The following CWC22 variants were observed in gnomAD, a reference collection of about 807,000 sequenced individuals.
CWC22 encodes CWC22 spliceosome associated protein, also known as pre-mRNA-splicing factor CWC22 homolog.
Under a neutral mutation model 117.2 loss-of-function variants are expected in CWC22, and 53 were observed. The ratio of observed to expected loss-of-function variants is 0.45; its 90% CI spans 0.36 to 0.57. CWC22 has a LOEUF of 0.57. Ranked by LOEUF, CWC22 falls within the 20% of genes least tolerant of loss-of-function variation. The probability of loss-of-function intolerance (pLI) is 0.00; values close to 1 mark genes in which losing one functional copy is unlikely to be tolerated. For synonymous variants in CWC22, 360 were observed against 355.6 expected, an observed-to-expected ratio of 1.01 and a Z score of -0.14; for missense variants, 980 against 1,068.8, an observed-to-expected ratio of 0.92 and a Z score of 1.16.
Position 179,964,702 on chromosome 2 carries a change from A to G in CWC22, c.1316-74T>C, listed in dbSNP as rs566397959. ...AAGTTAAAATGTAACTCTGTATAGC[A>G]TTTTCTTCAAAAATCTATTTAGAAT... On this transcript the variant is annotated intron_variant, in intron 12 of 19. Transcript: ENST00000410053. The G allele has an allele frequency of 3.3e-5, 22 of 675,592 alleles. No homozygotes were observed. In the African/African-American group the frequency reaches 4.0e-4, roughly 12 times the overall value. The allele number at this position is 675,592 out of a possible 1,614,324, so 41.8% of individuals were successfully genotyped here.
At chr2:179,970,406 G>C in intron 11 of CWC22, 95 bp downstream of exon 11, 3 of 1,201,856 alleles carry the variant, frequency 2.5e-6, no homozygotes, top group Non-Finnish European at 3.4e-6. Context: ...CGATTCATTA[G>C]GTGGGGATCT....
rs371568048 is a variant in CWC22 at position 179,950,616 on chromosome 2, T to A, written c.2036A>T (p.Glu679Val). Residue 679 changes from glutamate (E) to valine (V), a missense_variant, in exon 19 of 20, where the codon GAG becomes GTG. This residue lies in a region of CWC22 where 306 missense variants were observed against 296.8 expected (regional missense o/e 1.03). Coordinates refer to ENST00000410053, the MANE Select transcript of CWC22 (RefSeq NM_020943.3). The part of the protein sequence containing the change: ...SSSSSASSSS[E>V]SDSSDSDSDS... ...AGAATCAGAGTCGGATGAGTCAGAC[T>A]CTGAAGAGGAGGACGCTGAAGAGGA... 24 of 1,613,350 alleles carry A rather than the reference T, an allele frequency of 1.5e-5. No individual in the cohort carries two copies. In the Admixed American group the frequency reaches 2.7e-4, roughly 18 times the overall value.
Position 180,001,919 on chromosome 2 carries a change from C to T in CWC22, c.-114+4948G>A, listed in dbSNP as rs972410553. On this transcript the variant is annotated intron_variant, in intron 1 of 19. Transcript: ENST00000410053. ...TGAATTTATGTTTTGTTCATTGCTACATTCCCAACACTAGAGGCTCTCAAT... is the reference window on the plus strand; with the variant it reads ...TGAATTTATGTTTTGTTCATTGCTATATTCCCAACACTAGAGGCTCTCAAT... Among the ~76,000 whole-genome samples the T allele has an allele frequency of 2.0e-5, 3 of 152,232 alleles. No homozygotes were observed. The East Asian group carries it at 5.8e-4, about 29-fold the overall frequency.
intron 1 of CWC22, among the ~76,000 whole-genome samples, chr2:179,999,341 T>C (rs1280411206): frequency 6.6e-6 from 1 of 152,100 alleles, no homozygotes. Context: ...TCTTTCCCCT[T>C]CTCACAAGAA....
chr2:179,974,746 C>T (rs768395401), intron 6 of CWC22, among the ~76,000 whole-genome samples: 4 of 152,048 alleles, frequency 2.6e-5, no homozygotes, highest in Non-Finnish European at 2.9e-5. Flanking sequence ...TTTATACCCC[C>T]ACCTTTTTTG....
At chr2:179,982,758 T>G (rs546684872) in intron 4 of CWC22, among the ~76,000 whole-genome samples, 85 of 152,268 alleles carry the variant, frequency 5.6e-4, no homozygotes, top group Non-Finnish European at 9.7e-4. Context: ...AAGGTACAGT[T>G]CTCTGAAACC....
At chr2:179,980,732 G>A (rs1687265322) in intron 5 of CWC22, among the ~76,000 whole-genome samples, 1 of 152,222 alleles carries the variant, frequency 6.6e-6, no homozygotes, top group East Asian at 1.9e-4. Context: ...AGCTTCTCAA[G>A]CACTTTTCAA....
intron 16 of CWC22, among the ~76,000 whole-genome samples, chr2:179,953,582 T>TA (rs948811765): frequency 1.6e-4 from 24 of 152,102 alleles, no homozygotes; most frequent in African/African-American, 5.6e-4. Context: ...ACTCAGTATA[T>TA]AAGTGGTGGC....
intron 19 of CWC22, among the ~76,000 whole-genome samples, chr2:179,947,635 G>A (rs1453865338): frequency 6.6e-6 from 1 of 152,098 alleles, no homozygotes; most frequent in Admixed American, 6.5e-5. Context: ...AAATTCTGTA[G>A]AATATAAAAA....
intron 15 of CWC22, 104 bp from the exon 16 acceptor site, chr2:179,954,461 T>C: frequency 1.4e-6 from 1 of 700,424 alleles, no homozygotes; most frequent in South Asian, 2.4e-5. Context: ...ATATGCTTTA[T>C]ATTTTCAAAG....
intron 16 of CWC22, among the ~76,000 whole-genome samples, chr2:179,953,077 A>AT (rs765937225): frequency 6.6e-6 from 1 of 152,118 alleles, no homozygotes; most frequent in African/African-American, 2.4e-5. Flanking sequence ...CTAAAGAAAT[A>AT]TTTTTAGGGA....
intron 1 of CWC22, among the ~76,000 whole-genome samples, chr2:179,996,598 TG>T (rs1687706662): frequency 6.6e-6 from 1 of 151,850 alleles, no homozygotes; most frequent in Non-Finnish European, 1.5e-5. Flanking sequence ...GCTAAAAAAG[TG>T]GATCTCATGA....
At position 179,950,666 on chromosome 2, in the gene CWC22, C is replaced by T; in HGVS notation, c.1986G>A (p.Glu662=). 4 of 1,613,610 alleles carry T rather than the reference C, an allele frequency of 2.5e-6. No homozygotes were observed. The highest frequency in any genetic ancestry group is 3.4e-6 in the Non-Finnish European group (4 of 1,179,638). ...AAGAGGATGGGGAGGATTTATTTTGCTCAACATCTGGTTTCTGCGCCACAA... is the reference window on the plus strand; with the variant it reads ...AAGAGGATGGGGAGGATTTATTTTGTTCAACATCTGGTTTCTGCGCCACAA... ...KVIVAQKPDV[E]QNKSSPSSSS... Residue 662 remains glutamate, a synonymous_variant, in exon 19 of 20, where the codon GAG becomes GAA. Coordinates refer to ENST00000410053, the MANE Select transcript of CWC22 (RefSeq NM_020943.3).
At chr2:180,004,245 G>T (rs1008920649) in intron 1 of CWC22, among the ~76,000 whole-genome samples, 1 of 152,144 alleles carries the variant, frequency 6.6e-6, no homozygotes, top group African/African-American at 2.4e-5. Flanking sequence ...ACAATAAATT[G>T]AAAATATTAT....
At chr2:179,991,048 T>C (rs367918691) in intron 2 of CWC22, among the ~76,000 whole-genome samples, 1 of 152,230 alleles carries the variant, frequency 6.6e-6, no homozygotes, top group Non-Finnish European at 1.5e-5. Flanking sequence ...AGTGCAGTAG[T>C]TGAAAATACT....
chr2:179,957,302 T>C (rs1359310676), intron 14 of CWC22, among the ~76,000 whole-genome samples: 1 of 152,166 alleles, frequency 6.6e-6, no homozygotes, highest in Non-Finnish European at 1.5e-5. Flanking sequence ...AGGAATCTTT[T>C]ACATTTAAAA....
At position 179,945,573 on chromosome 2, in the gene CWC22, T is replaced by G. The variant is rs376733679; in HGVS notation, c.2283A>C (p.Glu761Asp). ...GATCTCTGTGTTTTTCTGACCTTCT[T>G]TCTCTCTCAGTCCTTGTTTCCTGGT... ...HGHQETRTER[E>D]RRSEKHRDQN... is the part of the protein sequence containing the mutation. The change falls in exon 20 of 20, where the codon GAA becomes GAC. Residue 761 changes from glutamate to aspartate, a missense_variant. By Grantham distance (45) the Glu-to-Asp change is conservative (BLOSUM62 2). Transcript: ENST00000410053. The G allele has an allele frequency of 1.2e-6, 2 of 1,613,188 alleles. No homozygotes were observed. The highest frequency in any genetic ancestry group is 1.3e-5 in the African/African-American group (1 of 74,902).
At chr2:179,986,165 T>C (rs890192653) in intron 4 of CWC22, among the ~76,000 whole-genome samples, 5 of 152,106 alleles carry the variant, frequency 3.3e-5, no homozygotes, top group Admixed American at 3.3e-4. Flanking sequence ...CAAGTCTTGT[T>C]AGCCACAGGA....
In CWC22 at chr2:179,959,040, C is replaced by T; in HGVS notation, c.1440G>A (p.Glu480=). ...EECAHKLLKM[E]FPESQTKELC... is the part of the protein sequence containing the mutation. ...AACATACTGTTTGGCTTTCAGGAAA[C>T]TCCATTTTCAGCAATTTGTGAGCAC... The change falls in exon 14 of 20, where the codon GAG becomes GAA. Residue 480 remains glutamate (E), a synonymous_variant. Coordinates refer to ENST00000410053, the MANE Select transcript of CWC22 (RefSeq NM_020943.3). The T allele has an allele frequency of 6.4e-7, 1 of 1,568,688 alleles. No homozygotes were observed. The highest frequency in any genetic ancestry group is 1.2e-5 in the South Asian group (1 of 85,664).
Sources: gnomAD v4.1 joint callset for allele counts (sites outside exome capture counted in the v4.1 genomes callset) on GRCh38, gnomAD v4.1.1 for gene constraint, gnomAD v4.1.1 regional missense constraint, MANE v1.5 for transcripts, NCBI Gene and HGNC (gene_info 2026-07-23, HGNC 2026-07-21) for gene names.